FBXL20: variants seen among roughly 807,000 people sequenced by gnomAD.
The protein encoded by FBXL20 is F-box/LRR-repeat protein 20.
In FBXL20, 11 loss-of-function variants were observed where a neutral mutation model predicts 64.0. The ratio of observed to expected loss-of-function variants is 0.17; its 90% CI spans 0.11 to 0.28. The LOEUF is 0.28. Ranked by LOEUF, FBXL20 falls within the 10% of genes least tolerant of loss-of-function variation. FBXL20 has a pLI of 1.00. For synonymous variants in FBXL20, 184 were observed against 189.0 expected, an observed-to-expected ratio of 0.97 and a Z score of 0.22; for missense variants, 303 against 526.2, an observed-to-expected ratio of 0.58 and a Z score of 4.15.
At chr17:39,335,378 G>A (rs1013099294) in intron 2 of FBXL20, among the ~76,000 whole-genome samples, 3 of 151,516 alleles carry the variant, frequency 2.0e-5, no homozygotes, top group East Asian at 1.9e-4. Context: ...CAACCCCTCC[G>A]GTCTCTCTGA....
At chr17:39,285,930 C>A (rs776248485) in intron 6 of FBXL20, among the ~76,000 whole-genome samples, 2 of 152,190 alleles carry the variant, frequency 1.3e-5, no homozygotes, top group Admixed American at 6.5e-5. Flanking sequence ...ATCTACCAGA[C>A]GTAGTCAAAC....
chr17:39,339,425 C>T (rs2047560645), intron 2 of FBXL20, among the ~76,000 whole-genome samples: 1 of 152,066 alleles, frequency 6.6e-6, no homozygotes, highest in South Asian at 2.1e-4. Flanking sequence ...TGTGTTTGCA[C>T]CACTGCAGTC....
chr17:39,401,949 C>T (rs1228115555), upstream of FBXL20: 4 of 438,222 alleles, frequency 9.1e-6, no homozygotes, highest in Non-Finnish European at 1.5e-5. Context: ...CGCGCGTGCT[C>T]GCGGACCAGC....
At chr17:39,343,902 C>T (rs990022042) in intron 1 of FBXL20, among the ~76,000 whole-genome samples, 3 of 151,894 alleles carry the variant, frequency 2.0e-5, no homozygotes, top group African/African-American at 7.3e-5. Context: ...CTCACTCTGT[C>T]GCCCAGGCTG....
chr17:39,401,331 T>C (rs760803297), intron 1 of FBXL20, 30 bp downstream of exon 1: 2 of 1,612,288 alleles, frequency 1.2e-6, no homozygotes, highest in South Asian at 1.1e-5. Flanking sequence ...CCCGCCCTCC[T>C]CACGCCGCCC....
At chr17:39,316,786 G>A (rs1191159444) in intron 2 of FBXL20, among the ~76,000 whole-genome samples, 10 of 152,328 alleles carry the variant, frequency 6.6e-5, no homozygotes, top group African/African-American at 2.2e-4. Flanking sequence ...TCAGGAGTTC[G>A]AGACCAGCCT....
At chr17:39,268,729 A>C in intron 12 of FBXL20, 98 bp downstream of exon 12, 2 of 1,007,332 alleles carry the variant, frequency 2.0e-6, no homozygotes, top group Non-Finnish European at 3.0e-6. Flanking sequence ...CAGGCACTAC[A>C]GTATCCTACA....
chr17:39,366,815 C>T (rs2047864312), intron 1 of FBXL20, among the ~76,000 whole-genome samples: 1 of 151,094 alleles, frequency 6.6e-6, no homozygotes, highest in African/African-American at 2.4e-5. Flanking sequence ...AGTATATTCT[C>T]TTTATCCTCA....
At chr17:39,283,942 AAT>A (rs1477455138) in intron 7 of FBXL20, among the ~76,000 whole-genome samples, 8 of 152,094 alleles carry the variant, frequency 5.3e-5, no homozygotes, top group Admixed American at 5.2e-4. Context: ...CTCCAATATT[AAT>A]AGTTTAACTT....
intron 1 of FBXL20, among the ~76,000 whole-genome samples, chr17:39,398,036 C>T (rs56114949): frequency 0.62 from 39,175 of 62,886 alleles, 9,321 homozygotes; most frequent in African/African-American, 0.71. Context: ...GGGAGGCCGG[C>T]GGGCGGGGGG....
At chr17:39,317,466 G>A (rs1407335108) in intron 2 of FBXL20, among the ~76,000 whole-genome samples, 1 of 151,946 alleles carries the variant, frequency 6.6e-6, no homozygotes, top group African/African-American at 2.4e-5. Context: ...TTCTTACCAC[G>A]TGATCCGACC....
chr17:39,313,808 T>A (rs2047259001), intron 2 of FBXL20, among the ~76,000 whole-genome samples: 1 of 152,066 alleles, frequency 6.6e-6, no homozygotes, highest in East Asian at 1.9e-4. Flanking sequence ...GCTAATTTTG[T>A]ATTTTAAGTA....
rs569837352 is a variant in FBXL20, at chr17:39,372,736, C to T, written c.42+28625G>A. On this transcript the variant is annotated intron_variant, in intron 1 of 14. Transcript: ENST00000264658. The stretch of plus-strand genomic sequence containing the variant: ...GTTTGAGCAATTCTCCTGCCTCAGC[C>T]TCCCAAGTAGCTGGCACTAGCTGGC... Among the ~76,000 whole-genome samples the T allele has an allele frequency of 2.6e-5, 4 of 151,272 alleles. No individual in the cohort carries two copies. In the East Asian group the frequency reaches 8.0e-4, roughly 30 times the overall value.
intron 2 of FBXL20, among the ~76,000 whole-genome samples, chr17:39,309,052 TAAA>T (rs932011491): frequency 2.0e-5 from 3 of 152,138 alleles, no homozygotes; most frequent in Non-Finnish European, 2.9e-5. Context: ...GATTCCTTAT[TAAA>T]AAGTTCCAGC....
At chr17:39,397,486 ATTAAGAC>A (rs1341741718) in intron 1 of FBXL20, among the ~76,000 whole-genome samples, 3 of 152,190 alleles carry the variant, frequency 2.0e-5, no homozygotes, top group African/African-American at 7.2e-5. Context: ...TAATAAACCC[ATTAAGAC>A]AGAATTTTTC....
intron 1 of FBXL20, among the ~76,000 whole-genome samples, chr17:39,350,922 C>T (rs1268395254): frequency 6.6e-6 from 1 of 152,104 alleles, no homozygotes; most frequent in Non-Finnish European, 1.5e-5. Context: ...CTATGTGATA[C>T]TGATGTACCC....
intron 1 of FBXL20, among the ~76,000 whole-genome samples, chr17:39,368,370 C>A (rs183222745): frequency 5.2e-4 from 79 of 152,146 alleles, no homozygotes; most frequent in Middle Eastern, 3.4e-3. Flanking sequence ...CCAGCCTGGG[C>A]AACAAAGCAA....
At chr17:39,384,042 T>A (rs1465054390) in intron 1 of FBXL20, among the ~76,000 whole-genome samples, 1 of 151,864 alleles carries the variant, frequency 6.6e-6, no homozygotes, top group Non-Finnish European at 1.5e-5. Context: ...AAGACCAGCC[T>A]GAGCAACATA....
chr17:39,327,614 C>A (rs150684062), intron 2 of FBXL20, among the ~76,000 whole-genome samples: 494 of 151,916 alleles, frequency 3.3e-3, no homozygotes, highest in African/African-American at 0.011. Flanking sequence ...ACACACGCAC[C>A]CCCCAAAAAC....
Sources: allele counts gnomAD v4.1 joint callset (sites outside exome capture counted in the v4.1 genomes callset), GRCh38; gene constraint gnomAD v4.1.1; transcripts MANE v1.5; gene names NCBI Gene and HGNC (gene_info 2026-07-23, HGNC 2026-07-21).